PLA2G4A: variants seen among roughly 807,000 people sequenced by gnomAD.
PLA2G4A encodes cytosolic phospholipase A2.
PLA2G4A carries 40 observed loss-of-function variants against 81.9 expected under a neutral mutation model. That is an observed-to-expected ratio of 0.49 (90% confidence interval 0.38 to 0.64). The LOEUF (loss-of-function observed/expected upper bound fraction) is 0.64, where lower values mean the gene tolerates loss of function less well. PLA2G4A is among the 30% of genes least tolerant of loss of function. The pLI is 0.00. For missense variants in PLA2G4A, 715 were observed against 905.1 expected (o/e 0.79, Z 2.69); for synonymous variants, 302 against 296.9 (o/e 1.02, Z -0.18).
chr1:186,933,593 A>G (rs1048626973), intron 8 of PLA2G4A, among the ~76,000 whole-genome samples: 7 of 152,142 alleles, frequency 4.6e-5, no homozygotes, highest in Non-Finnish European at 8.8e-5. Context: ...CCTTGCTCAC[A>G]TGTCTCAAAT....
intron 7 of PLA2G4A, among the ~76,000 whole-genome samples, chr1:186,925,843 T>G (rs1655527914): frequency 6.6e-6 from 1 of 152,228 alleles, no homozygotes; most frequent in Non-Finnish European, 1.5e-5. Flanking sequence ...TCCATTAGAA[T>G]TTAAGTTTTA....
chr1:186,946,246 A>G (rs897246358), intron 10 of PLA2G4A, among the ~76,000 whole-genome samples: 11 of 152,176 alleles, frequency 7.2e-5, no homozygotes, highest in Admixed American at 5.2e-4. Context: ...TTTCATTTTA[A>G]TAAACTGTTT....
intron 6 of PLA2G4A, among the ~76,000 whole-genome samples, chr1:186,907,762 G>A (rs1654792963): frequency 6.6e-6 from 1 of 152,202 alleles, no homozygotes; most frequent in Non-Finnish European, 1.5e-5. Flanking sequence ...TTAGGCATTT[G>A]TTTATTGTAT....
intron 7 of PLA2G4A, among the ~76,000 whole-genome samples, chr1:186,932,039 A>C (rs78715812): frequency 0.012 from 1,788 of 152,288 alleles, 13 homozygotes; most frequent in Non-Finnish European, 0.018. Flanking sequence ...TAGATCTTAC[A>C]CAAGAAACAT....
At chr1:186,915,427 C>T (rs541217533) in intron 7 of PLA2G4A, among the ~76,000 whole-genome samples, 13 of 152,126 alleles carry the variant, frequency 8.5e-5, no homozygotes, top group East Asian at 3.9e-4. Flanking sequence ...AGTATCCCCA[C>T]GAGCCAACTT....
At position 186,939,075 on chromosome 1, in the gene PLA2G4A, CT is replaced by C; in HGVS notation, c.764del (p.Leu255GlnfsTer2). ...EKGPEEINEELMKNVSHNPLL... is the reference protein window; with the variant it reads ...EKGPEEINEEXMKNVSHNPLL... ...AGGGCCAGAGGAGATTAATGAAGAA[CT>C]AATGAAAAATGTTAGCCACAATCCC... is the stretch of plus-strand genomic sequence containing the variant. On this transcript the variant is annotated frameshift_variant, in exon 9 of 18. Coordinates refer to ENST00000367466, the MANE Select transcript of PLA2G4A (RefSeq NM_024420.3). LOFTEE classifies it high-confidence loss of function. The C allele has an allele frequency of 1.2e-6, 2 of 1,611,302 alleles. No individual in the cohort carries two copies. Among genetic ancestry groups the C allele is most frequent in the Admixed American group, 3.3e-5 (2 of 59,974 alleles).
At chr1:186,884,602 C>T (rs1055480832) in intron 3 of PLA2G4A, among the ~76,000 whole-genome samples, 6 of 152,146 alleles carry the variant, frequency 3.9e-5, no homozygotes, top group African/African-American at 1.4e-4. Context: ...CCAGGCTTGG[C>T]GTGGTGGCTC....
intron 5 of PLA2G4A, among the ~76,000 whole-genome samples, chr1:186,898,527 G>A (rs750808166): frequency 1.3e-5 from 2 of 152,126 alleles, no homozygotes; most frequent in Non-Finnish European, 2.9e-5. Flanking sequence ...TGATCAACAC[G>A]CCATCAGCTA....
chr1:186,870,469 T>A lies in PLA2G4A; in HGVS notation c.68T>A (p.Val23Glu). 6.2e-7 allele frequency: 1 copy of A among 1,611,662 alleles called. No individual in the cohort carries two copies. The highest frequency in any genetic ancestry group is 2.2e-5 in the East Asian group (1 of 44,866). ...EHQYSHKFTV[V>E]VLRATKVTKG... ...CAGTATTCCCACAAGTTTACGGTAG[T>A]GGTGTTACGTGCCACCAAAGTGACA... Residue 23 changes from valine (V) to glutamate (E), a missense_variant, in exon 3 of 18, where the codon GTG becomes GAG. Physicochemically the swap from Val to Glu is moderately radical, Grantham distance 121 (BLOSUM62 -2). Transcript: ENST00000367466.
At chr1:186,867,553 T>G (rs538502953) in intron 2 of PLA2G4A, among the ~76,000 whole-genome samples, 1 of 152,298 alleles carries the variant, frequency 6.6e-6, no homozygotes, top group South Asian at 2.1e-4. Flanking sequence ...TCTTATCTCC[T>G]GCAAACTTGT....
Position 186,979,469 on chromosome 1 carries a change from T to C in PLA2G4A, c.2115T>C (p.Ile705=). ...TGCACTTCAATACTCTGAACAACAT[T>C]GATGTAAGTATCTCCTATGGCCATT... ...DLMHFNTLNN[I]DVIKEAMVES... Residue 705 remains isoleucine (I), a synonymous_variant, in exon 17 of 18, where the codon ATT becomes ATC. Transcript: ENST00000367466. 1 of 1,580,336 alleles carries C rather than the reference T, an allele frequency of 6.3e-7. No homozygotes were observed. Among genetic ancestry groups the C allele is most frequent in the Non-Finnish European group, 8.7e-7 (1 of 1,149,224 alleles).
chr1:186,935,414 T>TTA (rs1553217022), intron 8 of PLA2G4A, among the ~76,000 whole-genome samples: 3 of 151,368 alleles, frequency 2.0e-5, no homozygotes, highest in African/African-American at 7.3e-5. Context: ...TTTTATTTTT[T>TTA]TTTTTTTCAG....
At chr1:186,870,657 A>G in intron 3 of PLA2G4A, 141 bp downstream of exon 3, 1 of 1,305,732 alleles carries the variant, frequency 7.7e-7, no homozygotes, top group South Asian at 1.2e-5. Flanking sequence ...TAACATTTCA[A>G]ACAGTTCTCT....
intron 7 of PLA2G4A, among the ~76,000 whole-genome samples, chr1:186,924,170 C>T (rs1406672560): frequency 6.6e-6 from 1 of 152,134 alleles, no homozygotes; most frequent in Non-Finnish European, 1.5e-5. Context: ...TGGATATTTG[C>T]TATAAAAATA....
intron 6 of PLA2G4A, among the ~76,000 whole-genome samples, chr1:186,907,539 G>C (rs1398455109): frequency 5.9e-5 from 9 of 152,142 alleles, no homozygotes; most frequent in Non-Finnish European, 1.3e-4. Context: ...ATTTTCAAAC[G>C]GCGAATTTTA....
At chr1:186,978,733 C>G (rs1657618070) in intron 16 of PLA2G4A, among the ~76,000 whole-genome samples, 1 of 152,096 alleles carries the variant, frequency 6.6e-6, no homozygotes, top group Non-Finnish European at 1.5e-5. Context: ...TGGGTTCTCC[C>G]AGAAACTAAT....
In PLA2G4A at chr1:186,932,744, C is replaced by G; in HGVS notation, c.559-19C>G. 4 of 1,611,742 alleles carry G rather than the reference C, an allele frequency of 2.5e-6. No individual in the cohort carries two copies. The highest frequency in any genetic ancestry group is 3.4e-6 in the Non-Finnish European group (4 of 1,177,984). ...TGATTTTTACTTTGTGTACAAATCT[C>G]TCTGTTGCATCGTTTCAGGTGCCTG... On this transcript the variant is annotated intron_variant, in intron 7 of 17. Coordinates refer to ENST00000367466, the MANE Select transcript of PLA2G4A (RefSeq NM_024420.3).
intron 14 of PLA2G4A, among the ~76,000 whole-genome samples, chr1:186,959,703 T>C (rs1656881913): frequency 6.6e-6 from 1 of 152,176 alleles, no homozygotes; most frequent in African/African-American, 2.4e-5. Flanking sequence ...TACCTCCCTC[T>C]GGTTGTTTCC....
chr1:186,974,000 C>T (rs944646818), intron 15 of PLA2G4A, among the ~76,000 whole-genome samples: 1 of 151,764 alleles, frequency 6.6e-6, no homozygotes, highest in African/African-American at 2.4e-5. Flanking sequence ...TGCATAGAGA[C>T]AAAAGAAATC....
Sources: allele counts gnomAD v4.1 joint callset (sites outside exome capture counted in the v4.1 genomes callset), GRCh38; gene constraint gnomAD v4.1.1; transcripts MANE v1.5; gene names NCBI Gene and HGNC (gene_info 2026-07-23, HGNC 2026-07-21).